Variants in BABAM2 observed in about 807,000 individuals in gnomAD.
BABAM2 encodes BRISC and BRCA1 A complex member 2.
BABAM2 carries 31 observed loss-of-function variants against 54.7 expected under a neutral mutation model. The observed-to-expected ratio is 0.57, with a 90% CI of 0.43 to 0.77. The LOEUF is 0.77. BABAM2 is among the 30% of genes least tolerant of loss of function. BABAM2 has a pLI of 0.00. For synonymous variants in BABAM2, 167 were observed against 162.9 expected (o/e 1.03, Z -0.19); for missense variants, 364 against 455.8 (o/e 0.80, Z 1.83).
At chr2:28,045,179 T>G (rs1036203023) in intron 5 of BABAM2, among the ~76,000 whole-genome samples, 2 of 152,186 alleles carry the variant, frequency 1.3e-5, no homozygotes, top group Admixed American at 1.3e-4. Context: ...GAGGGAGTTA[T>G]GAAAAACATC....
intron 2 of BABAM2, among the ~76,000 whole-genome samples, chr2:27,907,817 A>G (rs1273386879): frequency 6.6e-6 from 1 of 152,204 alleles, no homozygotes; most frequent in Non-Finnish European, 1.5e-5. Flanking sequence ...CACTTAGCAT[A>G]ATATCTTCAA....
intron 6 of BABAM2, among the ~76,000 whole-genome samples, chr2:28,114,161 G>C (rs1426463569): frequency 6.6e-6 from 1 of 152,206 alleles, no homozygotes; most frequent in Non-Finnish European, 1.5e-5. Flanking sequence ...AATATTGGAA[G>C]TTCTGGCCAG....
intron 5 of BABAM2, 129 bp from the exon 6 acceptor site, chr2:28,045,596 C>A: frequency 1.6e-6 from 1 of 609,114 alleles, no homozygotes; most frequent in Non-Finnish European, 2.7e-6. Flanking sequence ...CTTTTCTTGC[C>A]TAACGTTAGG....
intron 7 of BABAM2, among the ~76,000 whole-genome samples, chr2:28,198,545 T>G (rs149345065): frequency 6.6e-6 from 1 of 152,244 alleles, no homozygotes; most frequent in East Asian, 1.9e-4. Flanking sequence ...AAGAGTGTTC[T>G]TTAGCATCAT....
chr2:28,326,691 G>A (rs1175847764), intron 11 of BABAM2, among the ~76,000 whole-genome samples: 3 of 152,206 alleles, frequency 2.0e-5, no homozygotes, highest in Non-Finnish European at 4.4e-5. Flanking sequence ...GGGCAGGCAG[G>A]CATTCATTTA....
At chr2:28,245,919 T>C (rs748021695) in intron 10 of BABAM2, among the ~76,000 whole-genome samples, 1 of 152,324 alleles carries the variant, frequency 6.6e-6, no homozygotes, top group Non-Finnish European at 1.5e-5. Context: ...TAAGTTCATT[T>C]TTCTATCTGA....
chr2:28,028,968 T>C (rs950984358), intron 5 of BABAM2, among the ~76,000 whole-genome samples: 20 of 152,152 alleles, frequency 1.3e-4, no homozygotes, highest in African/African-American at 4.6e-4. Flanking sequence ...GATTTCACTA[T>C]ATTGGTCAGG....
chr2:28,003,536 G>A (rs1379063530), intron 4 of BABAM2, among the ~76,000 whole-genome samples: 1 of 152,118 alleles, frequency 6.6e-6, no homozygotes, highest in African/African-American at 2.4e-5. Flanking sequence ...GCTGCAGTGA[G>A]CTGAGATTGT....
chr2:28,255,406 T>C (rs1469849401), intron 10 of BABAM2, among the ~76,000 whole-genome samples: 1 of 152,052 alleles, frequency 6.6e-6, no homozygotes, highest in Non-Finnish European at 1.5e-5. Flanking sequence ...CCCAAGTAGC[T>C]GGGATTACAG....
chr2:28,060,214 A>G (rs1678749078), intron 6 of BABAM2, among the ~76,000 whole-genome samples: 1 of 152,208 alleles, frequency 6.6e-6, no homozygotes, highest in Non-Finnish European at 1.5e-5. Flanking sequence ...TCAACAATAT[A>G]ACTAATCATA....
chr2:28,008,045 AC>A (rs765436450), intron 4 of BABAM2, among the ~76,000 whole-genome samples: 8 of 152,154 alleles, frequency 5.3e-5, no homozygotes, highest in Non-Finnish European at 1.2e-4. Flanking sequence ...ATTTTGAATA[AC>A]CCATAATGTC....
At chr2:28,060,529 G>A (rs1177930717) in intron 6 of BABAM2, among the ~76,000 whole-genome samples, 1 of 152,144 alleles carries the variant, frequency 6.6e-6, no homozygotes, top group Non-Finnish European at 1.5e-5. Context: ...AACATTTAGA[G>A]TAGAAAGGAA....
intron 11 of BABAM2, chr2:28,307,773 G>A (rs1160951348): frequency 6.6e-6 from 1 of 151,820 alleles, no homozygotes; most frequent in African/African-American, 2.4e-5. Context: ...ATCTTATTCT[G>A]TAGTTTTTCA....
intron 7 of BABAM2, among the ~76,000 whole-genome samples, chr2:28,216,572 G>A (rs1210289859): frequency 6.6e-6 from 1 of 152,132 alleles, no homozygotes; most frequent in East Asian, 1.9e-4. Context: ...CAGGTTGATG[G>A]AGCATGTGTA....
Position 28,133,358 on chromosome 2 carries a change from G to A in BABAM2, c.680+3978G>A, listed in dbSNP as rs988566711. 9.2e-5 allele frequency among the ~76,000 whole-genome samples: 14 copies of A among 152,194 alleles called. No individual in the cohort carries two copies. In the East Asian group the frequency reaches 2.7e-3, roughly 29 times the overall value. On this transcript the variant is annotated intron_variant, in intron 7 of 11. Coordinates refer to ENST00000379624, the MANE Select transcript of BABAM2 (RefSeq NM_199191.3). ...TTGATTATCGATTCAGACTTGGAGA[G>A]TTCTTTCAGGAGTCATGGGAAAAGC...
chr2:28,302,126 C>CAACATAAT (rs1409428666), intron 11 of BABAM2, among the ~76,000 whole-genome samples: 3 of 151,992 alleles, frequency 2.0e-5, no homozygotes, highest in Non-Finnish European at 4.4e-5. Flanking sequence ...TAAGATTTAG[C>CAACATAAT]TGTTATGGTG....
intron 6 of BABAM2, among the ~76,000 whole-genome samples, chr2:28,077,572 G>GT (rs1664796912): frequency 6.6e-6 from 1 of 152,018 alleles, no homozygotes; most frequent in East Asian, 1.9e-4. Context: ...TACAGTTAGG[G>GT]TTTTTTTGAG....
intron 11 of BABAM2, among the ~76,000 whole-genome samples, chr2:28,299,683 C>A (rs1343039268): frequency 6.6e-6 from 1 of 152,076 alleles, no homozygotes; most frequent in Non-Finnish European, 1.5e-5. Context: ...GAATTTATAG[C>A]CCAGCAAAGA....
At chr2:27,990,211 C>T (rs1217053361) in intron 4 of BABAM2, among the ~76,000 whole-genome samples, 2 of 152,114 alleles carry the variant, frequency 1.3e-5, no homozygotes, top group African/African-American at 4.8e-5. Context: ...CCAGAGCATA[C>T]CCTCCACTAG....
Sources: allele counts gnomAD v4.1 joint callset (sites outside exome capture counted in the v4.1 genomes callset), GRCh38; gene constraint gnomAD v4.1.1; transcripts MANE v1.5; gene names NCBI Gene and HGNC (gene_info 2026-07-23, HGNC 2026-07-21).